NRG3: variants seen among roughly 807,000 people sequenced by gnomAD.
The protein encoded by NRG3 is pro-neuregulin-3, membrane-bound isoform.
In NRG3, 31 loss-of-function variants were observed where a neutral mutation model predicts 66.9. The observed-to-expected ratio is 0.46, with a 90% CI of 0.35 to 0.63. NRG3 has a LOEUF of 0.63. Among genes scored for constraint, NRG3 ranks in the 20% least tolerant of loss-of-function variants. The probability of loss-of-function intolerance (pLI) is 0.00; values close to 1 mark genes in which losing one functional copy is unlikely to be tolerated. For missense variants in NRG3, 910 were observed against 878.9 expected (o/e 1.04, Z -0.45); for synonymous variants, 393 against 359.4 (o/e 1.09, Z -1.06).
At chr10:82,379,914 A>G (rs908397835) in intron 2 of NRG3, among the ~76,000 whole-genome samples, 4 of 149,800 alleles carry the variant, frequency 2.7e-5, no homozygotes, top group Non-Finnish European at 4.4e-5. Context: ...ACAATCCAAA[A>G]AAAAAAAAAA....
chr10:82,198,825 C>T (rs1009271485), intron 1 of NRG3, among the ~76,000 whole-genome samples: 3 of 151,764 alleles, frequency 2.0e-5, no homozygotes, highest in African/African-American at 7.3e-5. Context: ...GGTGAAACCC[C>T]GTCTCTACTA....
intron 1 of NRG3, among the ~76,000 whole-genome samples, chr10:82,351,351 C>T (rs537527699): frequency 1.3e-5 from 2 of 152,136 alleles, no homozygotes; most frequent in African/African-American, 2.4e-5. Context: ...ACCATCCCCA[C>T]CGTGGATAGC....
At chr10:81,946,837 A>C (rs1848890744) in intron 1 of NRG3, among the ~76,000 whole-genome samples, 1 of 152,194 alleles carries the variant, frequency 6.6e-6, no homozygotes, top group African/African-American at 2.4e-5. Flanking sequence ...CTTGCAGTTC[A>C]ACAGGCCAAA....
At chr10:82,380,681 A>G (rs1452581363) in intron 2 of NRG3, among the ~76,000 whole-genome samples, 2 of 152,162 alleles carry the variant, frequency 1.3e-5, no homozygotes, top group African/African-American at 4.8e-5. Context: ...ATTTGACGGG[A>G]AAAACATATT....
chr10:82,409,335 G>A (rs1160074090), intron 2 of NRG3, among the ~76,000 whole-genome samples: 1 of 152,108 alleles, frequency 6.6e-6, no homozygotes, highest in Non-Finnish European at 1.5e-5. Flanking sequence ...AACCAATAGT[G>A]ATTTGGATAA....
chr10:82,638,817 G>T (rs909099124), intron 2 of NRG3, among the ~76,000 whole-genome samples: 2 of 151,890 alleles, frequency 1.3e-5, no homozygotes, highest in African/African-American at 4.8e-5. Flanking sequence ...CAGCTAATTT[G>T]TGTATTTTTA....
intron 2 of NRG3, among the ~76,000 whole-genome samples, chr10:82,737,793 T>C (rs1461745871): frequency 1.3e-5 from 2 of 152,154 alleles, no homozygotes; most frequent in South Asian, 2.1e-4. Context: ...GAGCGAGCTA[T>C]GTGAAGACCC....
intron 1 of NRG3, among the ~76,000 whole-genome samples, chr10:81,911,949 G>A (rs1419633318): frequency 2.0e-5 from 3 of 151,922 alleles, no homozygotes; most frequent in Non-Finnish European, 4.4e-5. Flanking sequence ...CTTCTGAAAC[G>A]TACTATGAGA....
At chr10:82,930,569 A>G (rs569185950) in intron 4 of NRG3, among the ~76,000 whole-genome samples, 1 of 152,322 alleles carries the variant, frequency 6.6e-6, no homozygotes, top group South Asian at 2.1e-4. Context: ...GTTCAGGAAC[A>G]CATGGTCTTA....
intron 3 of NRG3, among the ~76,000 whole-genome samples, chr10:82,837,884 G>A (rs1304541048): frequency 6.6e-6 from 1 of 152,126 alleles, no homozygotes; most frequent in Non-Finnish European, 1.5e-5. Context: ...GGAGTCATAG[G>A]ATAAGGCACT....
intron 1 of NRG3, among the ~76,000 whole-genome samples, chr10:82,176,008 C>G (rs1236892183): frequency 6.6e-6 from 1 of 152,188 alleles, no homozygotes; most frequent in Non-Finnish European, 1.5e-5. Context: ...CCATCATACT[C>G]TTTCCGTCAG....
rs991878636 is a variant in NRG3 at position 82,501,427 on chromosome 10, T to G, written c.953+142559T>G. Among the ~76,000 whole-genome samples the G allele has an allele frequency of 9.2e-5, 14 of 152,086 alleles. 1 individual carries two copies. Among genetic ancestry groups the G allele is most frequent in the Admixed American group, 8.5e-4 (13 of 15,260 alleles). ...CCAAGGGCTCCCTGTTACACTCAGGTCAAAAGTCAACATACTTTCAAGGTT... is the reference window on the plus strand; with the variant it reads ...CCAAGGGCTCCCTGTTACACTCAGGGCAAAAGTCAACATACTTTCAAGGTT... On this transcript the variant is annotated intron_variant, in intron 2 of 8. Transcript: ENST00000372141.
At position 82,102,126 on chromosome 10, in the gene NRG3, GTGTATTCATATATATATATATATATA is replaced by G. The variant is rs1564564595; in HGVS notation, c.823+225965_823+225990del. ...TATATGTGTATTCATATATATATAT[GTGTATTCATATATATATATATATATA>G]TATATATATATATATGAATGTAATG... is the stretch of plus-strand genomic sequence containing the variant. On this transcript the variant is annotated intron_variant, in intron 1 of 8. Transcript: ENST00000372141. Among the ~76,000 whole-genome samples, 97 of 7,784 alleles carry G rather than the reference GTGTATTCATATATATATATATATATA, an allele frequency of 0.012. 7 individuals are homozygous for G. The East Asian group carries it at 0.15, about 12-fold the overall frequency. The allele number at this position is 7,784 out of a possible 152,430, so 5.1% of individuals were successfully genotyped here.
intron 1 of NRG3, among the ~76,000 whole-genome samples, chr10:82,308,814 G>A (rs1046407721): frequency 3.3e-5 from 5 of 152,186 alleles, no homozygotes; most frequent in Admixed American, 6.5e-5. Context: ...GAGCTCCACC[G>A]TACCTTAAGC....
intron 3 of NRG3, among the ~76,000 whole-genome samples, chr10:82,848,032 T>TG (rs1343478565): frequency 6.6e-6 from 1 of 152,198 alleles, no homozygotes; most frequent in African/African-American, 2.4e-5. Context: ...ATTAGAGTCA[T>TG]GAGTTTGACA....
intron 1 of NRG3, among the ~76,000 whole-genome samples, chr10:82,180,292 G>C (rs80169577): frequency 0.012 from 1,841 of 151,882 alleles, 14 homozygotes; most frequent in South Asian, 0.026. Flanking sequence ...GAATAGAAGT[G>C]GCATGAGTGA....
At chr10:81,925,368 C>T (rs1180638510) in intron 1 of NRG3, among the ~76,000 whole-genome samples, 8 of 152,160 alleles carry the variant, frequency 5.3e-5, no homozygotes, top group Non-Finnish European at 4.4e-5. Flanking sequence ...CACCTGTATA[C>T]AGTTCCAAAG....
chr10:82,812,784 A>G (rs2061544223), intron 3 of NRG3, among the ~76,000 whole-genome samples: 1 of 152,222 alleles, frequency 6.6e-6, no homozygotes, highest in Non-Finnish European at 1.5e-5. Context: ...TAACATGTAG[A>G]CATTTTCTGA....
At chr10:82,008,904 C>T (rs2061475880) in intron 1 of NRG3, among the ~76,000 whole-genome samples, 1 of 152,114 alleles carries the variant, frequency 6.6e-6, no homozygotes, top group South Asian at 2.1e-4. Context: ...ATGTGCTTGC[C>T]TAGACTTCAC....
Sources: gnomAD v4.1 joint callset for allele counts (sites outside exome capture counted in the v4.1 genomes callset) on GRCh38, gnomAD v4.1.1 for gene constraint, MANE v1.5 for transcripts, NCBI Gene and HGNC (gene_info 2026-07-23, HGNC 2026-07-21) for gene names.